DYSF: variants seen among roughly 807,000 people sequenced by gnomAD.
DYSF encodes the protein dystrophy-associated fer-1-like 1.
In DYSF, 212 loss-of-function variants were observed where a neutral mutation model predicts 274.9. The ratio of observed to expected loss-of-function variants is 0.77; its 90% CI spans 0.69 to 0.86. The LOEUF is 0.86. DYSF is among the 40% of genes least tolerant of loss of function. The pLI, the probability that DYSF is intolerant of heterozygous loss-of-function variation, is 0.00. For missense variants in DYSF, 2,666 were observed against 2,783.2 expected (o/e 0.96, Z 0.95); for synonymous variants, 1,091 against 1,078.7 (o/e 1.01, Z -0.22).
At chr2:71,494,036 T>G (rs895191509) in intron 3 of DYSF, among the ~76,000 whole-genome samples, 3 of 152,098 alleles carry the variant, frequency 2.0e-5, no homozygotes, top group Admixed American at 2.0e-4. Flanking sequence ...TGCAGAAGTG[T>G]TTTTTGAGTA....
rs1442725303 is a variant in DYSF, at chr2:71,686,455, A to G, written c.6323A>G (p.Asn2108Ser). 6.2e-7 allele frequency: 1 copy of G among 1,614,102 alleles called. No homozygotes were observed. The change falls in exon 56 of 56, where the codon AAC becomes AGC. Residue 2108 changes from asparagine (N) to serine (S), a missense_variant and splice_region_variant. Asn to Ser is a conservative substitution (Grantham distance 46). Coordinates refer to ENST00000410020, the MANE Select transcript of DYSF (RefSeq NM_001130987.2). Reference protein sequence around the residue: ...FLAIFIYAFPNYAAMKLVKPF... With the variant: ...FLAIFIYAFPSYAAMKLVKPF... Reference sequence around the variant, plus strand: ...TCCCTGTCTCCTCCCTCCCTCCAGAACTATGCTGCCATGAAGCTGGTGAAG... The same window carrying G: ...TCCCTGTCTCCTCCCTCCCTCCAGAGCTATGCTGCCATGAAGCTGGTGAAG...
At chr2:71,671,224 G>A (rs2095115159) in intron 51 of DYSF, among the ~76,000 whole-genome samples, 1 of 152,230 alleles carries the variant, frequency 6.6e-6, no homozygotes, top group African/African-American at 2.4e-5. Flanking sequence ...CATTGCTGTG[G>A]AGTGACTGGC....
chr2:71,492,591 G>A (rs1486030107), intron 3 of DYSF, among the ~76,000 whole-genome samples: 6 of 151,888 alleles, frequency 4.0e-5, no homozygotes, highest in Admixed American at 2.6e-4. Flanking sequence ...TGTAAAAATA[G>A]TACAAGAACA....
At chr2:71,540,881 A>C (rs895766419) in intron 17 of DYSF, among the ~76,000 whole-genome samples, 1 of 152,148 alleles carries the variant, frequency 6.6e-6, no homozygotes, top group Non-Finnish European at 1.5e-5. Context: ...GACCTATAGA[A>C]ATTTAAAATT....
At chr2:71,651,968 CAT>C (rs1465442394) in intron 42 of DYSF, among the ~76,000 whole-genome samples, 1 of 152,168 alleles carries the variant, frequency 6.6e-6, no homozygotes, top group Non-Finnish European at 1.5e-5. Context: ...GATCAAGTAA[CAT>C]ATTGGAAATA....
At chr2:71,521,230 A>C (rs2087237618) in intron 12 of DYSF, among the ~76,000 whole-genome samples, 1 of 152,146 alleles carries the variant, frequency 6.6e-6, no homozygotes, top group Non-Finnish European at 1.5e-5. Context: ...TGTGACTTGA[A>C]TTTCATGGCC....
chr2:71,566,829 G>C (rs1007827794), intron 24 of DYSF, among the ~76,000 whole-genome samples: 1 of 152,326 alleles, frequency 6.6e-6, no homozygotes, highest in African/African-American at 2.4e-5. Flanking sequence ...AAAAGAAGGG[G>C]GGCTGTGTCC....
chr2:71,516,115 C>T, intron 8 of DYSF, 65 bp from the exon 9 acceptor site: 1 of 1,517,362 alleles, frequency 6.6e-7, no homozygotes, highest in South Asian at 1.1e-5. Context: ...GGTGGTGGTC[C>T]TCCCTCTCCC....
intron 55 of DYSF, among the ~76,000 whole-genome samples, chr2:71,684,967 C>T (rs2095338617): frequency 6.6e-6 from 1 of 151,982 alleles, no homozygotes; most frequent in Non-Finnish European, 1.5e-5. Flanking sequence ...TTCTGAAAAG[C>T]CAAGGGGAGG....
chr2:71,541,707 A>G (rs2089945492), intron 17 of DYSF, among the ~76,000 whole-genome samples: 1 of 152,074 alleles, frequency 6.6e-6, no homozygotes, highest in Non-Finnish European at 1.5e-5. Context: ...CTCAAACCCT[A>G]AGGTTCAGCA....
intron 36 of DYSF, chr2:71,610,985 GGGTGACGGGATTCAGTTGGAACAA>G: frequency 1.9e-6 from 1 of 525,136 alleles, no homozygotes; most frequent in Non-Finnish European, 3.5e-6. Flanking sequence ...ATGGGAGGAG[GGGTGACGGGATTCAGTTGGAACAA>G]GGTGACCTGA....
chr2:71,473,180 C>T (rs553427338), intron 1 of DYSF, among the ~76,000 whole-genome samples: 1 of 152,302 alleles, frequency 6.6e-6, no homozygotes, highest in East Asian at 1.9e-4. Context: ...AACACCATGG[C>T]AGGGCAGGTG....
chr2:71,568,934 G>A (rs868450513), intron 26 of DYSF, among the ~76,000 whole-genome samples: 2 of 150,922 alleles, frequency 1.3e-5, no homozygotes, highest in Non-Finnish European at 3.0e-5. Context: ...GTGCAGTGGC[G>A]CGATCTCGGC....
chr2:71,466,400 C>A (rs1435069599), upstream of DYSF, among the ~76,000 whole-genome samples: 41 of 152,164 alleles, frequency 2.7e-4, no homozygotes, highest in Non-Finnish European at 2.9e-5. Context: ...CGGTGCGCAC[C>A]GGGCCCGGGA....
At chr2:71,455,512 G>T (rs1209401265) in intron 1 of DYSF, among the ~76,000 whole-genome samples, 1 of 152,222 alleles carries the variant, frequency 6.6e-6, no homozygotes, top group Non-Finnish European at 1.5e-5. Flanking sequence ...CCAGCAGGGA[G>T]GACATGGGAG....
At chr2:71,538,468 C>T (rs2089609816) in intron 16 of DYSF, among the ~76,000 whole-genome samples, 1 of 152,172 alleles carries the variant, frequency 6.6e-6, no homozygotes, top group South Asian at 2.1e-4. Flanking sequence ...GTCAGGACGC[C>T]AGGGCTTCCG....
At chr2:71,521,037 G>A in intron 12 of DYSF, 133 bp downstream of exon 12, 1 of 713,316 alleles carries the variant, frequency 1.4e-6, no homozygotes, top group Non-Finnish European at 2.4e-6. Context: ...GAGAAATGTG[G>A]AACATGTAGA....
chr2:71,666,148 A>G (rs1019662162), intron 47 of DYSF, among the ~76,000 whole-genome samples: 2 of 145,206 alleles, frequency 1.4e-5, no homozygotes, highest in Non-Finnish European at 3.0e-5. Context: ...CCCTTTTCCC[A>G]TAGAATGAGC....
At chr2:71,551,539 G>A in intron 18 of DYSF, 68 bp from the exon 19 acceptor site, 1 of 1,369,796 alleles carries the variant, frequency 7.3e-7, no homozygotes, top group Non-Finnish European at 1.0e-6. Flanking sequence ...CAGGGCCAGA[G>A]GGTGCCCCTT....
Sources: allele counts gnomAD v4.1 joint callset (sites outside exome capture counted in the v4.1 genomes callset), GRCh38; gene constraint gnomAD v4.1.1; transcripts MANE v1.5; gene names NCBI Gene and HGNC (gene_info 2026-07-23, HGNC 2026-07-21).